CELF4: variants seen among roughly 807,000 people sequenced by gnomAD.
CELF4 encodes CUGBP Elav-like family member 4, also known as CUG-BP- and ETR-3-like factor 4.
A neutral mutation model predicts 59.9 loss-of-function variants in CELF4; 18 were observed. The observed-to-expected ratio is 0.30, with a 90% CI of 0.21 to 0.45. CELF4 has a LOEUF of 0.45. CELF4 is among the 20% of genes least tolerant of loss of function. The pLI, the probability that CELF4 is intolerant of heterozygous loss-of-function variation, is 1.00. For synonymous variants in CELF4, 261 were observed against 267.1 expected (o/e 0.98, Z 0.22); for missense variants, 456 against 689.0 (o/e 0.66, Z 3.79).
chr18:37,265,836 C>T (rs557848239), intron 9 of CELF4, among the ~76,000 whole-genome samples: 2 of 152,320 alleles, frequency 1.3e-5, no homozygotes, highest in South Asian at 4.2e-4. Flanking sequence ...CTTCTAAGCA[C>T]AGGGAAGAGA....
intron 2 of CELF4, among the ~76,000 whole-genome samples, chr18:37,410,255 C>G (rs2099429475): frequency 6.6e-6 from 1 of 152,258 alleles, no homozygotes; most frequent in Admixed American, 6.5e-5. Context: ...ACTCTCTCCC[C>G]TGTCTCCTTC....
chr18:37,524,343 T>C (rs1258927243), intron 1 of CELF4, among the ~76,000 whole-genome samples: 1 of 152,206 alleles, frequency 6.6e-6, no homozygotes, highest in Non-Finnish European at 1.5e-5. Flanking sequence ...CGATTTCAGA[T>C]GGCTTCGAAT....
At chr18:37,526,051 G>T (rs866225479) in intron 1 of CELF4, among the ~76,000 whole-genome samples, 1 of 152,182 alleles carries the variant, frequency 6.6e-6, no homozygotes. Flanking sequence ...GAGCACCACT[G>T]ACCTCAATTA....
chr18:37,395,576 C>A (rs2099234172), intron 2 of CELF4, among the ~76,000 whole-genome samples: 1 of 152,194 alleles, frequency 6.6e-6, no homozygotes, highest in Non-Finnish European at 1.5e-5. Context: ...AACACTAAGC[C>A]CCTGAGGGGT....
intron 3 of CELF4, among the ~76,000 whole-genome samples, chr18:37,277,783 T>C (rs2093565449): frequency 6.6e-6 from 1 of 152,150 alleles, no homozygotes; most frequent in African/African-American, 2.4e-5. Flanking sequence ...CCTCAACCTT[T>C]AGTGCCTTTT....
chr18:37,465,584 G>T (rs2099805826), intron 2 of CELF4, among the ~76,000 whole-genome samples: 1 of 152,166 alleles, frequency 6.6e-6, no homozygotes, highest in South Asian at 2.1e-4. Context: ...AGACAGTGGG[G>T]GTTGACTGTG....
chr18:37,317,643 T>C (rs1377855617), intron 3 of CELF4, among the ~76,000 whole-genome samples: 4 of 152,102 alleles, frequency 2.6e-5, no homozygotes, highest in African/African-American at 9.7e-5. Flanking sequence ...TCCACTTCCC[T>C]CTGTACTTGT....
intron 1 of CELF4, among the ~76,000 whole-genome samples, chr18:37,559,955 A>AT (rs1277791381): frequency 6.6e-6 from 1 of 151,982 alleles, no homozygotes; most frequent in African/African-American, 2.4e-5. Flanking sequence ...CAGTTTTGTC[A>AT]TTTTTTTCCT....
At chr18:37,434,840 C>G (rs1470027846) in intron 2 of CELF4, among the ~76,000 whole-genome samples, 1 of 152,168 alleles carries the variant, frequency 6.6e-6, no homozygotes, top group East Asian at 1.9e-4. Flanking sequence ...CGATGTTGCT[C>G]CTAAGTACAC....
intron 2 of CELF4, among the ~76,000 whole-genome samples, chr18:37,438,115 C>A (rs1331421839): frequency 6.6e-6 from 1 of 152,172 alleles, no homozygotes; most frequent in East Asian, 1.9e-4. Context: ...TCCCAGCCCC[C>A]AGAACTGTGA....
At chr18:37,361,312 GT>G (rs2098699305) in intron 2 of CELF4, among the ~76,000 whole-genome samples, 1 of 152,156 alleles carries the variant, frequency 6.6e-6, no homozygotes, top group South Asian at 2.1e-4. Flanking sequence ...GCTAAATGGG[GT>G]TTTTGGTTGT....
chr18:37,490,711 A>G (rs555706760), intron 1 of CELF4, among the ~76,000 whole-genome samples: 7 of 152,082 alleles, frequency 4.6e-5, no homozygotes, highest in African/African-American at 9.7e-5. Context: ...GGAAACCATG[A>G]TGGTGCAAAC....
At chr18:37,546,281 C>T (rs1462413599) in intron 1 of CELF4, among the ~76,000 whole-genome samples, 1 of 152,248 alleles carries the variant, frequency 6.6e-6, no homozygotes, top group African/African-American at 2.4e-5. Context: ...ATCTCCTCAT[C>T]TCCTCGCCCA....
intron 1 of CELF4, among the ~76,000 whole-genome samples, chr18:37,550,139 G>A (rs1391801723): frequency 4.7e-5 from 7 of 149,450 alleles, no homozygotes; most frequent in Non-Finnish European, 1.0e-4. Flanking sequence ...TGGGGAGGGG[G>A]CTCAGCAGGG....
At chr18:37,531,291 T>C (rs2099969372) in intron 1 of CELF4, among the ~76,000 whole-genome samples, 1 of 152,134 alleles carries the variant, frequency 6.6e-6, no homozygotes, top group South Asian at 2.1e-4. Context: ...GTCCTCATAC[T>C]GCTTCTTTGC....
At chr18:37,557,676 G>A (rs569040875) in intron 1 of CELF4, among the ~76,000 whole-genome samples, 12 of 152,230 alleles carry the variant, frequency 7.9e-5, no homozygotes, top group African/African-American at 2.4e-4. Flanking sequence ...GCCGGCCTTC[G>A]GAAGTCTCTG....
At chr18:37,310,908 C>T (rs921513872) in intron 3 of CELF4, among the ~76,000 whole-genome samples, 2 of 152,244 alleles carry the variant, frequency 1.3e-5, no homozygotes, top group South Asian at 4.2e-4. Context: ...ACATAGTGGC[C>T]GGGCCAGACG....
chr18:37,565,378 G>A lies in CELF4; in HGVS notation c.264C>T (p.Asp88=). The change falls in exon 1 of 13, where the codon GAC becomes GAT. Residue 88 remains aspartate, a synonymous_variant. Transcript: ENST00000420428. ...GKIYELTVLK[D]RFTGMHKGCA... Reference sequence around the variant, plus strand: ...CACCTTTGTGCATGCCTGTGAACCTGTCCTTCAGAACCGTAAGCTCGTAGA... The same window carrying A: ...CACCTTTGTGCATGCCTGTGAACCTATCCTTCAGAACCGTAAGCTCGTAGA... The A allele has an allele frequency of 6.3e-7, 1 of 1,589,554 alleles. No individual in the cohort carries two copies. Among genetic ancestry groups the A allele is most frequent in the South Asian group, 1.2e-5 (1 of 86,062 alleles).
chr18:37,391,147 A>C (rs575486358), intron 2 of CELF4, among the ~76,000 whole-genome samples: 55 of 152,164 alleles, frequency 3.6e-4, no homozygotes, highest in Non-Finnish European at 6.9e-4. Flanking sequence ...CCTAAATCAC[A>C]ACCTGCAGGT....
Sources: gnomAD v4.1 joint callset for allele counts (sites outside exome capture counted in the v4.1 genomes callset) on GRCh38, gnomAD v4.1.1 for gene constraint, MANE v1.5 for transcripts, NCBI Gene and HGNC (gene_info 2026-07-23, HGNC 2026-07-21) for gene names.